The following EHBP1 variants were observed in gnomAD, a reference collection of about 807,000 sequenced individuals.
EHBP1 encodes EH domain-binding protein 1.
Under a neutral mutation model 144.0 loss-of-function variants are expected in EHBP1, and 55 were observed. That is an observed-to-expected ratio of 0.38 (90% confidence interval 0.31 to 0.48). EHBP1 has a LOEUF of 0.48. Ranked by LOEUF, EHBP1 falls within the 20% of genes least tolerant of loss-of-function variation. EHBP1 has a pLI of 0.98. For missense variants in EHBP1, 1,200 were observed against 1,364.2 expected, an observed-to-expected ratio of 0.88 and a Z score of 1.90; for synonymous variants, 469 against 472.7, an observed-to-expected ratio of 0.99 and a Z score of 0.10.
At chr2:62,683,658 C>CA (rs397936534) in intron 1 of EHBP1, among the ~76,000 whole-genome samples, 22,650 of 49,836 alleles carry the variant, frequency 0.45, 5,530 homozygotes, top group East Asian at 0.62. Context: ...GACTCCATCT[C>CA]AAAAAAAAAA....
intron 1 of EHBP1, among the ~76,000 whole-genome samples, chr2:62,691,263 G>C (rs927246480): frequency 6.6e-6 from 1 of 152,194 alleles, no homozygotes; most frequent in Non-Finnish European, 1.5e-5. Context: ...GGCAAATGTA[G>C]TGCCTCTACA....
chr2:62,764,989 A>AT (rs981428193), intron 4 of EHBP1, among the ~76,000 whole-genome samples: 7 of 151,598 alleles, frequency 4.6e-5, no homozygotes, highest in Middle Eastern at 3.4e-3. Flanking sequence ...TTTCCAGTAA[A>AT]TTTTTTTTTA....
Position 62,864,932 on chromosome 2 carries a change from A to G in EHBP1, c.959A>G (p.Tyr320Cys), listed in dbSNP as rs1166735860. The G allele has an allele frequency of 6.2e-7, 1 of 1,613,718 alleles. No homozygotes were observed. Among genetic ancestry groups the G allele is most frequent in the Non-Finnish European group, 8.5e-7 (1 of 1,179,850 alleles). ...CCTGTGGATATGAGCAAGTACCTCT[A>G]TGCTGATAGTTCTAAAACTGAAGAA... is the stretch of plus-strand genomic sequence containing the variant. ...IRPVDMSKYL[Y>C]ADSSKTEEEE... Residue 320 changes from tyrosine (Y) to cysteine (C), a missense_variant, in exon 9 of 23, where the codon TAT becomes TGT. Transcript: ENST00000431489.
At chr2:62,816,156 C>G (rs2045433092) in intron 5 of EHBP1, among the ~76,000 whole-genome samples, 1 of 152,106 alleles carries the variant, frequency 6.6e-6, no homozygotes, top group Non-Finnish European at 1.5e-5. Flanking sequence ...TCTTCATATA[C>G]TTCAACCAAA....
intron 5 of EHBP1, among the ~76,000 whole-genome samples, chr2:62,823,197 A>G (rs2046106289): frequency 6.6e-6 from 1 of 152,128 alleles, no homozygotes. Flanking sequence ...ATAAACATTG[A>G]AGTTTAAGAA....
intron 10 of EHBP1, among the ~76,000 whole-genome samples, chr2:62,936,426 T>C (rs1336387739): frequency 6.6e-6 from 1 of 152,198 alleles, no homozygotes; most frequent in Non-Finnish European, 1.5e-5. Context: ...GCTTTGCTGA[T>C]CCTCTCTATT....
At chr2:62,727,319 G>C (rs1418751705) in intron 2 of EHBP1, among the ~76,000 whole-genome samples, 1 of 150,866 alleles carries the variant, frequency 6.6e-6, no homozygotes, top group Non-Finnish European at 1.5e-5. Flanking sequence ...GATTTATTGA[G>C]GTATAACTCA....
At chr2:62,927,712 C>T (rs182065589) in intron 10 of EHBP1, among the ~76,000 whole-genome samples, 103 of 152,188 alleles carry the variant, frequency 6.8e-4, no homozygotes, top group African/African-American at 2.2e-3. Flanking sequence ...ATAGAAGAAT[C>T]AGGTAAAATT....
In EHBP1 at chr2:62,858,317, C is replaced by T. The variant is rs995983300; in HGVS notation, c.635-852C>T. ...TCTGTTGATTAACCAAACATCTCCT[C>T]TTTGTCTTTTTGGGTAACAGCATGC... On this transcript the variant is annotated intron_variant, in intron 7 of 22. Coordinates refer to ENST00000431489, the MANE Select transcript of EHBP1 (RefSeq NM_001142616.3). The T allele has an allele frequency of 1.1e-5, 9 of 786,430 alleles. No homozygotes were observed. In the African/African-American group the frequency reaches 1.5e-4, roughly 13 times the overall value. 48.7% of individuals were successfully genotyped at this position (786,430 alleles called of 1,614,324 possible).
At position 62,822,564 on chromosome 2, in the gene EHBP1, G is replaced by C. The variant is rs576190722; in HGVS notation, c.313-3523G>C. ...ATGTGTTATTGCAAGAATTTCTCTA[G>C]GACATATTTATAGGATGAGAATTGT... On this transcript the variant is annotated intron_variant, in intron 5 of 22. Coordinates refer to ENST00000431489, the MANE Select transcript of EHBP1 (RefSeq NM_001142616.3). Among the ~76,000 whole-genome samples the C allele has an allele frequency of 7.9e-5, 12 of 152,200 alleles. 1 individual carries two copies. In the South Asian group the frequency reaches 2.5e-3, roughly 32 times the overall value.
rs762138774 is a variant in EHBP1, at chr2:62,948,314, A to T, written c.1468A>T (p.Met490Leu). Reference protein sequence around the residue: ...GISRLLEPSDMVLLAIPDKLT... With the variant: ...GISRLLEPSDLVLLAIPDKLT... ...TTCCCGATTATTGGAACCTTCTGAT[A>T]TGGTATTATTAGCAATTCCTGATAA... The change falls in exon 13 of 23, where the codon ATG becomes TTG. Residue 490 changes from methionine to leucine, a missense_variant. Physicochemically the swap from Met to Leu is conservative, Grantham distance 15 (BLOSUM62 2). Transcript: ENST00000431489. 1 of 1,606,180 alleles carries T rather than the reference A, an allele frequency of 6.2e-7. No individual in the cohort carries two copies. Among genetic ancestry groups the T allele is most frequent in the South Asian group, 1.1e-5 (1 of 89,478 alleles).
chr2:63,034,452 G>A (rs1376522418), intron 19 of EHBP1, among the ~76,000 whole-genome samples: 1 of 151,966 alleles, frequency 6.6e-6, no homozygotes, highest in Non-Finnish European at 1.5e-5. Context: ...TGAAAAAGAG[G>A]TAGTTAACCA....
At chr2:62,774,189 G>A (rs1302624269) in intron 5 of EHBP1, among the ~76,000 whole-genome samples, 1 of 151,972 alleles carries the variant, frequency 6.6e-6, no homozygotes. Context: ...TGGCCAACAT[G>A]GTGAAACAGC....
At chr2:62,778,541 CAAAAAAA>C (rs955575672) in intron 5 of EHBP1, among the ~76,000 whole-genome samples, 3 of 81,484 alleles carry the variant, frequency 3.7e-5, no homozygotes, top group East Asian at 4.4e-4. Flanking sequence ...GAGACCCTGT[CAAAAAAA>C]AAAAAAAAAA....
chr2:62,884,243 A>G (rs1245040488), intron 10 of EHBP1, among the ~76,000 whole-genome samples: 3 of 152,162 alleles, frequency 2.0e-5, no homozygotes. Context: ...TTAACTTCCT[A>G]TATTGTTTGA....
At chr2:62,909,851 G>A (rs2054076104) in intron 10 of EHBP1, among the ~76,000 whole-genome samples, 1 of 151,992 alleles carries the variant, frequency 6.6e-6, no homozygotes, top group Admixed American at 6.6e-5. Context: ...TCCACCTCTC[G>A]GGTTCAAGTG....
At chr2:62,899,103 C>G (rs554521698) in intron 10 of EHBP1, among the ~76,000 whole-genome samples, 104 of 152,028 alleles carry the variant, frequency 6.8e-4, no homozygotes, top group Non-Finnish European at 9.7e-4. Flanking sequence ...TCAAAAATAC[C>G]TCAGCTCAGA....
At chr2:62,951,292 G>A (rs906302865) in intron 13 of EHBP1, among the ~76,000 whole-genome samples, 3 of 152,110 alleles carry the variant, frequency 2.0e-5, no homozygotes, top group Non-Finnish European at 4.4e-5. Context: ...TTTCAGAGGT[G>A]TCAAGAAAGA....
chr2:62,937,587 A>G (rs1036712589), intron 10 of EHBP1, among the ~76,000 whole-genome samples: 9 of 152,168 alleles, frequency 5.9e-5, no homozygotes, highest in African/African-American at 2.4e-5. Context: ...CTGAATGGCA[A>G]TTGCGAGGAG....
Sources: gnomAD v4.1 joint callset for allele counts (sites outside exome capture counted in the v4.1 genomes callset) on GRCh38, gnomAD v4.1.1 for gene constraint, MANE v1.5 for transcripts, NCBI Gene and HGNC (gene_info 2026-07-23, HGNC 2026-07-21) for gene names.